The following RNF182 variants were observed in gnomAD, a reference collection of about 807,000 sequenced individuals.
RNF182 encodes the protein E3 ubiquitin-protein ligase RNF182.
RNF182 carries 15 observed loss-of-function variants against 14.4 expected under a neutral mutation model. The ratio of observed to expected loss-of-function variants is 1.04; its 90% CI spans 0.70 to 1.60. RNF182 has a LOEUF of 1.60. Among genes scored for constraint, RNF182 ranks in the 40% most tolerant of loss-of-function variants. The pLI, the probability that RNF182 is intolerant of heterozygous loss-of-function variation, is 0.00. For synonymous variants in RNF182, 128 were observed against 122.9 expected (o/e 1.04, Z -0.27); for missense variants, 268 against 294.8 (o/e 0.91, Z 0.67).
chr6:13,928,360 G>T (rs1758882227), intron 1 of RNF182, among the ~76,000 whole-genome samples: 1 of 152,134 alleles, frequency 6.6e-6, no homozygotes, highest in African/African-American at 2.4e-5. Context: ...GTTGCTTGAT[G>T]AAAGTCAACC....
chr6:13,948,406 T>C (rs1381933203), intron 1 of RNF182, among the ~76,000 whole-genome samples: 1 of 152,226 alleles, frequency 6.6e-6, no homozygotes. Context: ...ATAACAATTA[T>C]AACTATTAAT....
chr6:13,947,757 C>G (rs1189566263), intron 1 of RNF182, among the ~76,000 whole-genome samples: 1 of 152,110 alleles, frequency 6.6e-6, no homozygotes, highest in Non-Finnish European at 1.5e-5. Context: ...TTAATTGGCT[C>G]TATAAATGAA....
chr6:13,966,916 A>G (rs1445485107), intron 1 of RNF182, among the ~76,000 whole-genome samples: 1 of 152,048 alleles, frequency 6.6e-6, no homozygotes, highest in Non-Finnish European at 1.5e-5. Flanking sequence ...AGCTTACTGC[A>G]GCCTCGGCCT....
chr6:13,936,812 A>C (rs149813836), intron 1 of RNF182, among the ~76,000 whole-genome samples: 341 of 152,294 alleles, frequency 2.2e-3, no homozygotes, highest in African/African-American at 7.5e-3. Flanking sequence ...CAAATATGGG[A>C]CAGTTTGGGG....
At chr6:13,959,273 C>T (rs1759806690) in intron 1 of RNF182, among the ~76,000 whole-genome samples, 1 of 152,170 alleles carries the variant, frequency 6.6e-6, no homozygotes, top group Admixed American at 6.6e-5. Context: ...AGACTTTGTA[C>T]TGTTCATGGA....
Position 13,977,413 on chromosome 6 carries a change from G to A in RNF182, c.294G>A (p.Lys98=). The A allele has an allele frequency of 6.2e-7, 1 of 1,614,178 alleles. No individual in the cohort carries two copies. The highest frequency in any genetic ancestry group is 8.5e-7 in the Non-Finnish European group (1 of 1,180,016). ...ACTTGACTTGTGGAGGCAAAGGGAA[G>A]AAGTGCCTGCCAGAGAACCCTACTG... ...LVNLTCGGKG[K]KCLPENPTEL... The change falls in exon 3 of 3, where the codon AAG becomes AAA. Residue 98 remains lysine, a synonymous_variant. Coordinates refer to ENST00000488300, the MANE Select transcript of RNF182 (RefSeq NM_152737.4).
chr6:13,958,669 G>T (rs1435234277), intron 1 of RNF182, among the ~76,000 whole-genome samples: 1 of 152,154 alleles, frequency 6.6e-6, no homozygotes, highest in Non-Finnish European at 1.5e-5. Flanking sequence ...TTACATTTTA[G>T]TAGTAGAAAT....
intron 1 of RNF182, among the ~76,000 whole-genome samples, chr6:13,926,657 A>T (rs1169620097): frequency 6.6e-6 from 1 of 152,222 alleles, no homozygotes; most frequent in Non-Finnish European, 1.5e-5. Flanking sequence ...TAAACGGGAG[A>T]GAAAAGTATT....
chr6:13,950,104 A>G (rs557978702), intron 1 of RNF182, among the ~76,000 whole-genome samples: 2 of 152,246 alleles, frequency 1.3e-5, no homozygotes, highest in Non-Finnish European at 2.9e-5. Context: ...CAAAAAATAC[A>G]TTCTACTTTT....
At chr6:13,965,618 C>T (rs1419400380) in intron 1 of RNF182, among the ~76,000 whole-genome samples, 2 of 152,188 alleles carry the variant, frequency 1.3e-5, no homozygotes, top group African/African-American at 2.4e-5. Flanking sequence ...ATCACACTAG[C>T]AGCAGATTTC....
At chr6:13,955,069 G>C (rs548834559) in intron 1 of RNF182, among the ~76,000 whole-genome samples, 10 of 152,298 alleles carry the variant, frequency 6.6e-5, no homozygotes, top group African/African-American at 2.4e-4. Context: ...GATAATTATT[G>C]TGTAGGTTAG....
At chr6:13,966,059 G>A (rs1266573173) in intron 1 of RNF182, among the ~76,000 whole-genome samples, 1 of 152,168 alleles carries the variant, frequency 6.6e-6, no homozygotes, top group Non-Finnish European at 1.5e-5. Context: ...TAAGCTTTAA[G>A]ACAAGAAAGG....
intron 1 of RNF182, 64 bp downstream of exon 1, chr6:13,925,087 G>A (rs1411842056): frequency 6.3e-5 from 1 of 15,750 alleles, no homozygotes; most frequent in African/African-American, 3.0e-4. Flanking sequence ...CCAACGCTGG[G>A]GCAGCAGCCA....
intron 1 of RNF182, among the ~76,000 whole-genome samples, chr6:13,945,447 C>A (rs1300977475): frequency 6.6e-6 from 1 of 152,138 alleles, no homozygotes; most frequent in Non-Finnish European, 1.5e-5. Flanking sequence ...CCCTCAGAGC[C>A]CGTTTAGATG....
In RNF182 at chr6:13,980,166, C is replaced by T. The variant is rs959117611; in HGVS notation, c.*2303C>T. 2 of 151,806 alleles carry T rather than the reference C, an allele frequency of 1.3e-5. No homozygotes were observed. Among genetic ancestry groups the T allele is most frequent in the Admixed American group, 6.6e-5 (1 of 15,224 alleles). The allele number at this position is 151,806 out of a possible 1,614,324, so 9.4% of individuals were successfully genotyped here. ...TTCAGAACTTTCCAACAAAGGGGAC[C>T]TAACCCATCACACTTTTAAAAGGCC... On this transcript the variant is annotated 3_prime_UTR_variant, in exon 3 of 3. Transcript: ENST00000488300.
intron 2 of RNF182, among the ~76,000 whole-genome samples, chr6:13,976,307 CAAAA>C (rs557315067): frequency 6.6e-6 from 1 of 151,786 alleles, no homozygotes; most frequent in African/African-American, 2.4e-5. Flanking sequence ...GGTATTGAAA[CAAAA>C]AAATTGAAAT....
chr6:13,939,818 CAGGCGTGA>C (rs1222774661), intron 1 of RNF182, among the ~76,000 whole-genome samples: 3 of 152,228 alleles, frequency 2.0e-5, no homozygotes, highest in Non-Finnish European at 4.4e-5. Context: ...GCTGGGATTA[CAGGCGTGA>C]GCCACTGTGC....
intron 1 of RNF182, among the ~76,000 whole-genome samples, chr6:13,960,692 T>TGCGCGCGC (rs1311622318): frequency 4.5e-4 from 62 of 137,804 alleles, no homozygotes; most frequent in African/African-American, 1.5e-3. Context: ...TGTGTGTGTG[T>TGCGCGCGC]GCGCGCGTGC....
Position 13,978,700 on chromosome 6 carries a change from C to T in RNF182, c.*837C>T, listed in dbSNP as rs1181182031. Reference sequence around the variant, plus strand: ...TTTGGTTTTTTTAAACCACATTGCCCAATCAGCCTCACCCCTTGTCCTGAA... The same window carrying T: ...TTTGGTTTTTTTAAACCACATTGCCTAATCAGCCTCACCCCTTGTCCTGAA... On this transcript the variant is annotated 3_prime_UTR_variant, in exon 3 of 3. Transcript: ENST00000488300. 1 of 167,034 alleles carries T rather than the reference C, an allele frequency of 6.0e-6. No homozygotes were observed. The highest frequency in any genetic ancestry group is 1.5e-5 in the Non-Finnish European group (1 of 68,110). The allele number at this position is 167,034 out of a possible 1,614,324, so 10.3% of individuals were successfully genotyped here. A position where few individuals can be genotyped will look rare whatever the true frequency, so the allele number is the denominator to read the frequency against.
Sources: gnomAD v4.1 joint callset for allele counts (sites outside exome capture counted in the v4.1 genomes callset) on GRCh38, gnomAD v4.1.1 for gene constraint, MANE v1.5 for transcripts, NCBI Gene and HGNC (gene_info 2026-07-23, HGNC 2026-07-21) for gene names.